FGD6: variants seen among roughly 807,000 people sequenced by gnomAD.
FGD6 encodes the protein FYVE, RhoGEF and PH domain-containing protein 6.
Under a neutral mutation model 149.4 loss-of-function variants are expected in FGD6, and 90 were observed. The observed-to-expected ratio is 0.60, with a 90% CI of 0.51 to 0.72. FGD6 has a LOEUF of 0.72. Ranked by LOEUF, FGD6 falls within the 30% of genes least tolerant of loss-of-function variation. FGD6 has a pLI of 0.00. For missense variants in FGD6, 1,437 were observed against 1,684.8 expected, an observed-to-expected ratio of 0.85 and a Z score of 2.57; for synonymous variants, 527 against 584.0, an observed-to-expected ratio of 0.90 and a Z score of 1.41.
chr12:95,106,549 G>A (rs571110783), intron 13 of FGD6, among the ~76,000 whole-genome samples: 1 of 152,076 alleles, frequency 6.6e-6, no homozygotes, highest in South Asian at 2.1e-4. Flanking sequence ...CTCCCAAAGT[G>A]CTAGGATTAT....
At chr12:95,093,710 A>T (rs1374871396) in intron 15 of FGD6, among the ~76,000 whole-genome samples, 1 of 150,772 alleles carries the variant, frequency 6.6e-6, no homozygotes, top group African/African-American at 2.4e-5. Context: ...TTAGCTGGTC[A>T]TGGTGGCACG....
intron 2 of FGD6, among the ~76,000 whole-genome samples, chr12:95,184,960 G>A (rs986802075): frequency 1.3e-5 from 2 of 152,098 alleles, no homozygotes; most frequent in African/African-American, 2.4e-5. Context: ...TGCAACCTCC[G>A]CCTCCCAGGT....
chr12:95,110,659 T>C (rs1178985272), intron 9 of FGD6, among the ~76,000 whole-genome samples: 1 of 152,124 alleles, frequency 6.6e-6, no homozygotes, highest in African/African-American at 2.4e-5. Context: ...CTCAGCCATG[T>C]ATCAGAATTT....
At chr12:95,109,585 G>T (rs1254695348) in intron 9 of FGD6, among the ~76,000 whole-genome samples, 2 of 152,116 alleles carry the variant, frequency 1.3e-5, no homozygotes, top group East Asian at 3.9e-4. Flanking sequence ...AAGAGTGGCT[G>T]GGCGCGGTGG....
chr12:95,168,621 C>T (rs1880895637), intron 3 of FGD6, among the ~76,000 whole-genome samples: 1 of 152,008 alleles, frequency 6.6e-6, no homozygotes, highest in African/African-American at 2.4e-5. Flanking sequence ...CGAGATCACA[C>T]CACTGCACTC....
At chr12:95,197,499 A>C (rs1881762006) in intron 2 of FGD6, among the ~76,000 whole-genome samples, 1 of 152,172 alleles carries the variant, frequency 6.6e-6, no homozygotes, top group African/African-American at 2.4e-5. Flanking sequence ...TTCTCTAAGA[A>C]ATCTTCAACT....
At chr12:95,116,273 C>A (rs1342139705) in intron 8 of FGD6, among the ~76,000 whole-genome samples, 1 of 152,146 alleles carries the variant, frequency 6.6e-6, no homozygotes, top group African/African-American at 2.4e-5. Context: ...TTACCCTACC[C>A]TCCCTATTAG....
intron 3 of FGD6, among the ~76,000 whole-genome samples, chr12:95,164,688 C>T (rs978421727): frequency 2.6e-5 from 4 of 152,148 alleles, no homozygotes; most frequent in African/African-American, 7.2e-5. Context: ...ACCTGGACCT[C>T]CCATAGTGCT....
intron 2 of FGD6, among the ~76,000 whole-genome samples, chr12:95,184,606 G>A (rs1056984761): frequency 8.1e-5 from 12 of 147,860 alleles, no homozygotes; most frequent in South Asian, 2.1e-4. Context: ...TTGAGATGGA[G>A]TCTTGCTCTG....
chr12:95,210,462 A>T lies in FGD6; in HGVS notation c.822T>A (p.Ala274=), dbSNP rs1259318539. 1 of 1,614,086 alleles carries T rather than the reference A, an allele frequency of 6.2e-7. No homozygotes were observed. ...NNCFQSSELE[A]LENGKRSTLI... Reference sequence around the variant, plus strand: ...AAGTACTCCTTTTCCCATTTTCCAGAGCCTCTAGTTCAGATGACTGAAAGC... The same window carrying T: ...AAGTACTCCTTTTCCCATTTTCCAGTGCCTCTAGTTCAGATGACTGAAAGC... The change falls in exon 2 of 21, where the codon GCT becomes GCA. Residue 274 remains alanine, a synonymous_variant. Coordinates refer to ENST00000343958, the MANE Select transcript of FGD6 (RefSeq NM_018351.4).
intron 20 of FGD6, among the ~76,000 whole-genome samples, chr12:95,082,236 C>G (rs1340419870): frequency 6.6e-6 from 1 of 152,166 alleles, no homozygotes; most frequent in Non-Finnish European, 1.5e-5. Flanking sequence ...ACACTAGTTC[C>G]CTGTCTCCTC....
intron 2 of FGD6, among the ~76,000 whole-genome samples, chr12:95,183,190 C>T (rs79160774): frequency 1.6e-3 from 249 of 152,326 alleles, no homozygotes; most frequent in African/African-American, 5.8e-3. Context: ...CTGATAAAGT[C>T]CCCTGGCCAC....
At chr12:95,084,033 T>C (rs1421057284) in intron 20 of FGD6, among the ~76,000 whole-genome samples, 2 of 152,232 alleles carry the variant, frequency 1.3e-5, no homozygotes, top group African/African-American at 4.8e-5. Context: ...TGGAACAGCA[T>C]GGGAGTCTCT....
intron 8 of FGD6, chr12:95,116,804 T>C (rs1447664937): frequency 4.4e-6 from 2 of 455,782 alleles, no homozygotes; most frequent in Non-Finnish European, 8.8e-6. Flanking sequence ...TTTTAGGGCA[T>C]CTTCTTGCAG....
intron 9 of FGD6, among the ~76,000 whole-genome samples, chr12:95,109,134 C>T (rs992807707): frequency 2.6e-5 from 4 of 152,134 alleles, no homozygotes; most frequent in Admixed American, 6.5e-5. Context: ...ATTTTGTGAG[C>T]TGGGTTATTA....
intron 14 of FGD6, among the ~76,000 whole-genome samples, chr12:95,103,193 C>T (rs1021489434): frequency 4.6e-5 from 7 of 152,206 alleles, no homozygotes; most frequent in South Asian, 2.1e-4. Context: ...AAGTACTACA[C>T]ATAAAGTCTT....
chr12:95,171,164 A>G (rs7136350), intron 3 of FGD6, among the ~76,000 whole-genome samples: 36,581 of 152,106 alleles, frequency 0.24, 4,861 homozygotes, highest in African/African-American at 0.35. Flanking sequence ...ATTGGCCCAA[A>G]GTTGACCAGA....
chr12:95,185,930 T>C (rs1881417538), intron 2 of FGD6, among the ~76,000 whole-genome samples: 1 of 152,150 alleles, frequency 6.6e-6, no homozygotes, highest in Admixed American at 6.6e-5. Flanking sequence ...TGTGAATATA[T>C]CTGTTATATG....
intron 5 of FGD6, among the ~76,000 whole-genome samples, chr12:95,151,888 T>G (rs891900852): frequency 1.3e-5 from 2 of 152,134 alleles, no homozygotes; most frequent in African/African-American, 4.8e-5. Flanking sequence ...CTAAATATAA[T>G]TGAAATAAAG....
Sources: gnomAD v4.1 joint callset for allele counts (sites outside exome capture counted in the v4.1 genomes callset) on GRCh38, gnomAD v4.1.1 for gene constraint, MANE v1.5 for transcripts, NCBI Gene and HGNC (gene_info 2026-07-23, HGNC 2026-07-21) for gene names.